Variants in KYAT1 observed in about 807,000 individuals in gnomAD.
KYAT1 encodes kynurenine--oxoglutarate transaminase 1.
In KYAT1, 47 loss-of-function variants were observed where a neutral mutation model predicts 52.4. That is an observed-to-expected ratio of 0.90 (90% CI 0.71 to 1.14). The LOEUF is 1.14. Among genes scored for constraint, KYAT1 ranks in the 50% most tolerant of loss-of-function variants. KYAT1 has a pLI of 0.00. For synonymous variants in KYAT1, 212 were observed against 209.6 expected, an observed-to-expected ratio of 1.01 and a Z score of -0.10; for missense variants, 480 against 557.9, an observed-to-expected ratio of 0.86 and a Z score of 1.41.
At chr9:128,851,152 TTGTCTC>T (rs1325901977) in intron 1 of KYAT1, among the ~76,000 whole-genome samples, 2 of 152,174 alleles carry the variant, frequency 1.3e-5, no homozygotes, top group Non-Finnish European at 2.9e-5. Flanking sequence ...TCTCTACACT[TTGTCTC>T]TGTGTCTTAT....
intron 3 of KYAT1, among the ~76,000 whole-genome samples, chr9:128,839,030 C>T (rs760497067): frequency 3.9e-5 from 6 of 151,946 alleles, no homozygotes; most frequent in African/African-American, 1.2e-4. Context: ...GTGGCACAAT[C>T]GCGGCTCCCT....
chr9:128,875,261 T>C (rs1344714931), intron 1 of KYAT1, among the ~76,000 whole-genome samples: 1 of 151,158 alleles, frequency 6.6e-6, no homozygotes, highest in East Asian at 1.9e-4. Context: ...TTTTTTTTTT[T>C]TTTGGTTTTT....
intron 1 of KYAT1, among the ~76,000 whole-genome samples, chr9:128,845,817 A>C (rs1326939888): frequency 6.6e-6 from 1 of 152,208 alleles, no homozygotes; most frequent in African/African-American, 2.4e-5. Flanking sequence ...CAACAGTGAC[A>C]GCAGCAGCCT....
intron 1 of KYAT1, among the ~76,000 whole-genome samples, chr9:128,880,669 A>G (rs1049868501): frequency 2.6e-5 from 4 of 151,584 alleles, no homozygotes; most frequent in East Asian, 3.9e-4. Context: ...GTCTCGATCT[A>G]CTGACCTCGT....
At position 128,837,788 on chromosome 9, in the gene KYAT1, C is replaced by T. The variant is rs767222724; in HGVS notation, c.464G>A (p.Gly155Asp). ...GTCCAGCTGCCAGTTGCTGCTGGAA[C>T]CCAGTTCTCCATTCTGGATGGGACC... The part of the protein sequence containing the change: ...KPGPIQNGEL[G>D]SSSNWQLDPM... The change falls in exon 6 of 13, where the codon GGT becomes GAT. Residue 155 changes from glycine (G) to aspartate (D), a missense_variant. Gly to Asp is a moderately conservative substitution (Grantham distance 94). Coordinates refer to ENST00000302586, the MANE Select transcript of KYAT1 (RefSeq NM_004059.5). 3.7e-5 allele frequency: 59 copies of T among 1,613,932 alleles called. 1 individual carries two copies. In the Admixed American group the frequency reaches 9.3e-4, roughly 26 times the overall value.
At chr9:128,838,904 C>G (rs1831619036) in intron 3 of KYAT1, among the ~76,000 whole-genome samples, 1 of 152,134 alleles carries the variant, frequency 6.6e-6, no homozygotes, top group Non-Finnish European at 1.5e-5. Flanking sequence ...TTTGTGCCCA[C>G]TTGATCCTCC....
Position 128,836,809 on chromosome 9 carries a change from G to C in KYAT1, c.681C>G (p.Ile227Met), listed in dbSNP as rs1236953901. 6.2e-7 allele frequency: 1 copy of C among 1,613,572 alleles called. No individual in the cohort carries two copies. ...QWMVYDGHQH[I>M]SIASLPGMWE... ...CAGGCTGGCTTGGCTCACCAATGCTGATGTGCTGGTGCCCGTCGTAGACCA... is the reference window on the plus strand; with the variant it reads ...CAGGCTGGCTTGGCTCACCAATGCTCATGTGCTGGTGCCCGTCGTAGACCA... Residue 227 changes from isoleucine (I) to methionine (M), a missense_variant, in exon 7 of 13, where the codon ATC (isoleucine) becomes ATG (methionine). Coordinates refer to ENST00000302586, the MANE Select transcript of KYAT1 (RefSeq NM_004059.5).
chr9:128,845,396 G>T lies in KYAT1; in HGVS notation c.10C>A (p.Gln4Lys). The T allele has an allele frequency of 1.9e-6, 3 of 1,613,944 alleles. No homozygotes were observed. Among genetic ancestry groups the T allele is most frequent in the Non-Finnish European group, 2.5e-6 (3 of 1,180,022 alleles). MAK[Q>K]LQARRLDGID... ...CCGTCTAGCCTTCGGGCCTGCAGCT[G>T]TTTGGCCATGGCGAGCTGGAGACGA... is the stretch of plus-strand genomic sequence containing the variant. The change falls in exon 2 of 13, where the codon CAG becomes AAG. Residue 4 changes from glutamine to lysine, a missense_variant. Physicochemically the swap from Gln to Lys is moderately conservative, Grantham distance 53. Transcript: ENST00000302586.
At position 128,837,772 on chromosome 9, in the gene KYAT1, C is replaced by A; in HGVS notation, c.480G>T (p.Trp160Cys). ...CGGCCAGCTCCATGGGGTCCAGCTG[C>A]CAGTTGCTGCTGGAACCCAGTTCTC... ...QNGELGSSSN[W>C]QLDPMELAGK... is the part of the protein sequence containing the mutation. The change falls in exon 6 of 13, where the codon TGG becomes TGT. Residue 160 changes from tryptophan to cysteine, a missense_variant. Trp to Cys is a radical substitution (Grantham distance 215). Transcript: ENST00000302586. 6.2e-7 allele frequency: 1 copy of A among 1,614,018 alleles called. No individual in the cohort carries two copies. Among genetic ancestry groups the A allele is most frequent in the Non-Finnish European group, 8.5e-7 (1 of 1,179,964 alleles).
At chr9:128,835,147 A>G (rs886443434) in intron 11 of KYAT1, 176 bp downstream of exon 11, 7 of 639,152 alleles carry the variant, frequency 1.1e-5, no homozygotes, top group African/African-American at 9.4e-5. Context: ...CCAAAAAAAA[A>G]AAAGAAAGAA....
At chr9:128,840,434 A>G (rs117867057) in intron 3 of KYAT1, among the ~76,000 whole-genome samples, 1 of 152,264 alleles carries the variant, frequency 6.6e-6, no homozygotes, top group East Asian at 1.9e-4. Context: ...AATTTTTATT[A>G]GAGATGGGAT....
intron 1 of KYAT1, among the ~76,000 whole-genome samples, chr9:128,845,912 G>C (rs987318885): frequency 6.6e-6 from 1 of 152,174 alleles, no homozygotes; most frequent in Non-Finnish European, 1.5e-5. Context: ...GAAAACAGAA[G>C]GTGGAAAACA....
intron 1 of KYAT1, among the ~76,000 whole-genome samples, chr9:128,846,200 G>A (rs577085888): frequency 5.7e-4 from 86 of 152,206 alleles, no homozygotes; most frequent in Admixed American, 1.2e-3. Context: ...AGGCTGAGGC[G>A]GGCAGATCAC....
At chr9:128,877,894 G>A (rs1249972393) in intron 1 of KYAT1, among the ~76,000 whole-genome samples, 1 of 152,172 alleles carries the variant, frequency 6.6e-6, no homozygotes, top group Non-Finnish European at 1.5e-5. Context: ...AAAGGGTACA[G>A]AACTGGGGAT....
At chr9:128,879,900 C>T (rs1382514468) in intron 1 of KYAT1, among the ~76,000 whole-genome samples, 1 of 152,182 alleles carries the variant, frequency 6.6e-6, no homozygotes, top group Non-Finnish European at 1.5e-5. Flanking sequence ...CCTCTGGCAG[C>T]TCACCCAGCA....
At position 128,838,153 on chromosome 9, in the gene KYAT1, A is replaced by T; in HGVS notation, c.352-16T>A. On this transcript the variant is annotated splice_polypyrimidine_tract_variant and intron_variant, in intron 4 of 12. Transcript: ENST00000302586. The stretch of plus-strand genomic sequence containing the variant: ...TGATGATGACCTGATATAAGGGTCA[A>T]ATCAGCTGGAGTCAGCATGGCCCTG... 1 of 1,614,126 alleles carries T rather than the reference A, an allele frequency of 6.2e-7. No homozygotes were observed. Among genetic ancestry groups the T allele is most frequent in the Middle Eastern group, 1.6e-4 (1 of 6,062 alleles).
intron 1 of KYAT1, among the ~76,000 whole-genome samples, chr9:128,878,448 C>T (rs1315166161): frequency 6.6e-6 from 1 of 152,098 alleles, no homozygotes; most frequent in Non-Finnish European, 1.5e-5. Flanking sequence ...AAGCTATTAA[C>T]ATTTAAACCT....
chr9:128,860,838 C>T (rs1835370683), intron 1 of KYAT1, among the ~76,000 whole-genome samples: 1 of 152,150 alleles, frequency 6.6e-6, no homozygotes, highest in African/African-American at 2.4e-5. Flanking sequence ...GCTGGGATTA[C>T]AGTTGTGAGC....
chr9:128,842,122 G>A, intron 3 of KYAT1: 2 of 362,042 alleles, frequency 5.5e-6, no homozygotes, highest in Non-Finnish European at 1.1e-5. Flanking sequence ...AGACTGGCAG[G>A]GTCAAGGCTG....
Sources: allele counts gnomAD v4.1 joint callset (sites outside exome capture counted in the v4.1 genomes callset), GRCh38; gene constraint gnomAD v4.1.1; transcripts MANE v1.5; gene names NCBI Gene and HGNC (gene_info 2026-07-23, HGNC 2026-07-21).